Variants in ALS2 observed in about 807,000 individuals in gnomAD.
ALS2 encodes the protein alsin.
In ALS2, 117 loss-of-function variants were observed where a neutral mutation model predicts 203.4. The observed-to-expected ratio is 0.58, with a 90% CI of 0.50 to 0.67. ALS2 has a LOEUF of 0.67. Among genes scored for constraint, ALS2 ranks in the 30% least tolerant of loss-of-function variants. The probability of loss-of-function intolerance (pLI) is 0.00; values close to 1 mark genes in which losing one functional copy is unlikely to be tolerated. For synonymous variants in ALS2, 718 were observed against 725.9 expected (o/e 0.99, Z 0.17); for missense variants, 1,715 against 1,989.4 (o/e 0.86, Z 2.62).
chr2:201,708,731 T>C (rs1405801168), intron 27 of ALS2, among the ~76,000 whole-genome samples: 2 of 152,234 alleles, frequency 1.3e-5, no homozygotes, highest in Non-Finnish European at 2.9e-5. Context: ...ATCTCTGACT[T>C]CTTGTATGCT....
chr2:201,729,206 GAA>G (rs113406595), intron 13 of ALS2, 23 bp from the exon 14 acceptor site: 941 of 1,290,084 alleles, frequency 7.3e-4, no homozygotes, highest in Admixed American at 1.0e-3. Flanking sequence ...AATTAAAGAG[GAA>G]AAAAAAAAAA....
chr2:201,752,575 T>A (rs1194387883), intron 7 of ALS2, among the ~76,000 whole-genome samples: 1 of 152,130 alleles, frequency 6.6e-6, no homozygotes, highest in Non-Finnish European at 1.5e-5. Flanking sequence ...TCGAATCCTT[T>A]ATTGGCTTCT....
chr2:201,760,263 A>G lies in ALS2; in HGVS notation c.1113+618T>C, dbSNP rs76633182. ...GAGATCGAGGCTGCAGTGAGCCACA[A>G]TCGCATTACTGCACTCCAGCCTGGG... On this transcript the variant is annotated intron_variant, in intron 4 of 33. Transcript: ENST00000264276. 2,098 of 881,668 alleles carry G rather than the reference A, an allele frequency of 2.4e-3. 36 individuals carry two copies. In the African/African-American group the frequency reaches 0.035, roughly 15 times the overall value. The allele number at this position is 881,668 out of a possible 1,614,324, so 54.6% of individuals were successfully genotyped here.
At chr2:201,731,802 GA>G (rs986064474) in intron 13 of ALS2, among the ~76,000 whole-genome samples, 1 of 152,074 alleles carries the variant, frequency 6.6e-6, no homozygotes, top group Non-Finnish European at 1.5e-5. Context: ...AATAGAGAAA[GA>G]AAGTGTTAGC....
rs1465697838 is a variant in ALS2 at position 201,726,737 on chromosome 2, T to C, written c.3109A>G (p.Thr1037Ala). Residue 1037 changes from threonine to alanine, a missense_variant, in exon 18 of 34, where the codon ACT becomes GCT. This residue lies in a region of ALS2 where 1,227 missense variants were observed against 1,413.5 expected (regional missense o/e 0.87). Transcript: ENST00000264276. ...EPPISRSAKY[T>A]FYKDPRLKDA... ...TTTAGGCGAGGATCCTTGTAGAAAGTATATTTGGCACTGCGTGAAATGGGT... is the reference window on the plus strand; with the variant it reads ...TTTAGGCGAGGATCCTTGTAGAAAGCATATTTGGCACTGCGTGAAATGGGT... The C allele has an allele frequency of 1.9e-6, 3 of 1,614,178 alleles. No homozygotes were observed. Among genetic ancestry groups the C allele is most frequent in the Admixed American group, 1.7e-5 (1 of 60,016 alleles).
Position 201,733,967 on chromosome 2 carries a change from A to ATT in ALS2, c.2418-530_2418-529insAA, listed in dbSNP as rs1325055971. ...TAGGAAAGTAATAAAAAGCTGCAAG[A>ATT]ACTAGTATTACAGTTAACAAGAAAC... On this transcript the variant is annotated intron_variant, in intron 12 of 33. Coordinates refer to ENST00000264276, the MANE Select transcript of ALS2 (RefSeq NM_020919.4). Among the ~76,000 whole-genome samples the ATT allele has an allele frequency of 5.3e-5, 8 of 152,346 alleles. No homozygotes were observed. The East Asian group carries it at 1.5e-3, about 29-fold the overall frequency.
chr2:201,729,174 C>G lies in ALS2; in HGVS notation c.2590G>C (p.Glu864Gln). 3 of 1,612,794 alleles carry G rather than the reference C, an allele frequency of 1.9e-6. No individual in the cohort carries two copies. The highest frequency in any genetic ancestry group is 2.5e-6 in the Non-Finnish European group (3 of 1,179,774). The change falls in exon 14 of 34, where the codon GAA (glutamate) becomes CAA (glutamine). Residue 864 changes from glutamate (E) to glutamine (Q), a missense_variant. Physicochemically the swap from Glu to Gln is conservative, Grantham distance 29. Coordinates refer to ENST00000264276, the MANE Select transcript of ALS2 (RefSeq NM_020919.4). ...LATCFEVASP[E>Q]YQKLQDSSSC... ...CTGGAATCCTGCAGTTTCTGATATT[C>G]TGGAGATGCCTACAGGGCAAAAATT...
intron 1 of ALS2, among the ~76,000 whole-genome samples, chr2:201,769,658 A>G (rs527487392): frequency 1.6e-4 from 25 of 152,374 alleles, no homozygotes; most frequent in African/African-American, 6.0e-4. Flanking sequence ...ATAAAATAAG[A>G]GATAGAAAAA....
intron 23 of ALS2, among the ~76,000 whole-genome samples, chr2:201,720,539 C>CAAAAAA (rs34418114): frequency 1.2e-4 from 8 of 66,496 alleles, no homozygotes; most frequent in South Asian, 1.2e-3. Context: ...TCTGTCTCTA[C>CAAAAAA]AAAAAAAAAA....
At chr2:201,762,509 C>T (rs191974484) in intron 3 of ALS2, among the ~76,000 whole-genome samples, 1 of 152,240 alleles carries the variant, frequency 6.6e-6, no homozygotes, top group East Asian at 1.9e-4. Flanking sequence ...GGAATATTTG[C>T]CTTATGCTTA....
Position 201,737,926 on chromosome 2 carries a change from A to C in ALS2, c.2417+744T>G, listed in dbSNP as rs564633813. Among the ~76,000 whole-genome samples the C allele has an allele frequency of 6.6e-5, 10 of 152,262 alleles. 1 individual carries two copies. The highest frequency in any genetic ancestry group is 2.4e-4 in the African/African-American group (10 of 41,562). ...GACAGAGCGAGACCCCGTCTCAAAA[A>C]AAAAAAAGCAAACATGGCAAAACAT... On this transcript the variant is annotated intron_variant, in intron 12 of 33. Coordinates refer to ENST00000264276, the MANE Select transcript of ALS2 (RefSeq NM_020919.4).
chr2:201,761,765 T>G lies in ALS2; in HGVS notation c.229A>C (p.Ile77Leu), dbSNP rs756912662. Residue 77 changes from isoleucine (I) to leucine (L), a missense_variant, in exon 4 of 34, where the codon ATT becomes CTT. Coordinates refer to ENST00000264276, the MANE Select transcript of ALS2 (RefSeq NM_020919.4). ...TLPWRSGPVE[I>L]CPSSPILENA... is the part of the protein sequence containing the mutation. ...TCTAGAATGGGGCTACTTGGACAAA[T>G]CTCCACTGGTCCACTTCTCCAGGGA... 17 of 1,612,560 alleles carry G rather than the reference T, an allele frequency of 1.1e-5. No individual in the cohort carries two copies. Among genetic ancestry groups the G allele is most frequent in the Non-Finnish European group, 1.4e-5 (17 of 1,179,788 alleles).
At chr2:201,775,721 C>A (rs959927625) in intron 1 of ALS2, among the ~76,000 whole-genome samples, 1 of 152,008 alleles carries the variant, frequency 6.6e-6, no homozygotes, top group African/African-American at 2.4e-5. Context: ...GAAAGCATTG[C>A]CTGATACCAG....
At chr2:201,760,010 T>C (rs982575156) in intron 4 of ALS2, 3 of 983,016 alleles carry the variant, frequency 3.1e-6, no homozygotes, top group Non-Finnish European at 3.6e-6. Flanking sequence ...ATCTTCAAAA[T>C]GAAAATAGTT....
intron 11 of ALS2, among the ~76,000 whole-genome samples, chr2:201,739,950 T>C (rs1318586969): frequency 6.6e-6 from 1 of 152,174 alleles, no homozygotes; most frequent in East Asian, 1.9e-4. Context: ...GGGAAACTCC[T>C]AGTAAAATTA....
chr2:201,761,527 G>A lies in ALS2; in HGVS notation c.467C>T (p.Ala156Val), dbSNP rs757749088. The change falls in exon 4 of 34, where the codon GCG becomes GTG. Residue 156 changes from alanine to valine, a missense_variant. Ala to Val is a moderately conservative substitution (Grantham distance 64). Around this residue, in one of 3 missense-constraint regions of ALS2, gnomAD observed 476 missense variants for 539.3 expected, o/e 0.88. Coordinates refer to ENST00000264276, the MANE Select transcript of ALS2 (RefSeq NM_020919.4). ...TGCCAGAGTGTGCTCCTCGCCACACGCCAACTGTAAAATCCTGACTGCTAA... is the reference window on the plus strand; with the variant it reads ...TGCCAGAGTGTGCTCCTCGCCACACACCAACTGTAAAATCCTGACTGCTAA... The part of the protein sequence containing the change: ...PLLAVRILQL[A>V]CGEEHTLALS... 11 of 1,614,048 alleles carry A rather than the reference G, an allele frequency of 6.8e-6. No individual in the cohort carries two copies. The highest frequency in any genetic ancestry group is 4.5e-5 in the East Asian group (2 of 44,870).
At chr2:201,707,060 C>T (rs1396598126) in intron 28 of ALS2, 38 bp from the exon 29 acceptor site, 2 of 1,571,560 alleles carry the variant, frequency 1.3e-6, no homozygotes, top group East Asian at 2.3e-5. Flanking sequence ...GAGCATTTTT[C>T]ATATTAAAAT....
intron 11 of ALS2, 140 bp from the exon 12 acceptor site, chr2:201,738,875 AG>A: frequency 1.3e-6 from 1 of 747,354 alleles, no homozygotes. Flanking sequence ...ACATTTGTGA[AG>A]GGCAGGTTGT....
At position 201,758,759 on chromosome 2, in the gene ALS2, C is replaced by CGT. The variant is rs74613232; in HGVS notation, c.1114-1001_1114-1000insAC. On this transcript the variant is annotated intron_variant, in intron 4 of 33. Coordinates refer to ENST00000264276, the MANE Select transcript of ALS2 (RefSeq NM_020919.4). ...TACAAATATAATGTGTGTGTGTGCG[C>CGT]ATGTGTGTGTGTGTGTGTGTGTGTG... Among the ~76,000 whole-genome samples the CGT allele has an allele frequency of 1.5e-3, 195 of 132,072 alleles. 3 individuals are homozygous for CGT. The highest frequency in any genetic ancestry group is 5.0e-3 in the African/African-American group (156 of 31,190). The allele number at this position is 132,072 out of a possible 152,430, so 86.6% of individuals were successfully genotyped here.
Sources: allele counts gnomAD v4.1 joint callset (sites outside exome capture counted in the v4.1 genomes callset), GRCh38; gene constraint gnomAD v4.1.1; regional missense constraint gnomAD v4.1.1; transcripts MANE v1.5; gene names NCBI Gene and HGNC (gene_info 2026-07-23, HGNC 2026-07-21).